Variants in PPP2R5C observed in about 807,000 individuals in gnomAD.
PPP2R5C encodes serine/threonine-protein phosphatase 2A 56 kDa regulatory subunit gamma isoform.
A neutral mutation model predicts 68.9 loss-of-function variants in PPP2R5C; 7 were observed. The ratio of observed to expected loss-of-function variants is 0.10; its 90% CI spans 0.06 to 0.19. PPP2R5C has a LOEUF of 0.19. Ranked by LOEUF, PPP2R5C falls within the 10% of genes least tolerant of loss-of-function variation. The pLI is 1.00. For synonymous variants in PPP2R5C, 210 were observed against 222.2 expected (o/e 0.95, Z 0.49); for missense variants, 348 against 641.3 (o/e 0.54, Z 4.94).
intron 8 of PPP2R5C, among the ~76,000 whole-genome samples, chr14:101,897,733 G>C (rs557955284): frequency 6.6e-6 from 1 of 151,478 alleles, no homozygotes; most frequent in South Asian, 2.1e-4. Flanking sequence ...GGCACACCCA[G>C]TGCATCCTTC....
chr14:101,761,196 CTG>C (rs1318783960), upstream of PPP2R5C, among the ~76,000 whole-genome samples: 1 of 152,206 alleles, frequency 6.6e-6, no homozygotes, highest in African/African-American at 2.4e-5. Context: ...GCACTCTTGA[CTG>C]CAACGAGAGC....
chr14:101,813,665 T>C (rs533970084), intron 1 of PPP2R5C, among the ~76,000 whole-genome samples: 1 of 152,338 alleles, frequency 6.6e-6, no homozygotes, highest in South Asian at 2.1e-4. Context: ...GCACACAGTT[T>C]GAGCCTTTTC....
intron 1 of PPP2R5C, among the ~76,000 whole-genome samples, chr14:101,831,120 G>C (rs1020693276): frequency 2.6e-5 from 4 of 151,710 alleles, no homozygotes; most frequent in African/African-American, 4.8e-5. Context: ...ACAGAGCCCA[G>C]CAGAAGGGCA....
Position 101,879,913 on chromosome 14 carries a change from A to AGT in PPP2R5C, c.295-2234_295-2233dup, listed in dbSNP as rs369632300. Among the ~76,000 whole-genome samples, 77 of 151,846 alleles carry AGT rather than the reference A, an allele frequency of 5.1e-4. No individual in the cohort carries two copies. Among genetic ancestry groups the AGT allele is most frequent in the African/African-American group, 8.9e-4 (37 of 41,480 alleles). On this transcript the variant is annotated intron_variant, in intron 2 of 13. Transcript: ENST00000334743. This position sits in a 1 kb window ranked among gnomAD's most constrained non-coding sequence, Gnocchi z 4.2. Reference sequence around the variant, plus strand: ...TGGGAGGACATGGCGGCCTGCCCAAAGTGTGTGTGTGTGTGGCCTTTCCTT... The same window carrying AGT: ...TGGGAGGACATGGCGGCCTGCCCAAAGTGTGTGTGTGTGTGTGGCCTTTCCTT...
At chr14:101,810,238 G>C in intron 1 of PPP2R5C, 1 of 579,092 alleles carries the variant, frequency 1.7e-6, no homozygotes, top group Non-Finnish European at 3.1e-6. Flanking sequence ...CTTGAAAGAG[G>C]CCTTGCATGC....
At chr14:101,865,855 G>A (rs2043030402) in intron 2 of PPP2R5C, among the ~76,000 whole-genome samples, 3 of 152,208 alleles carry the variant, frequency 2.0e-5, no homozygotes, top group African/African-American at 7.2e-5. Context: ...CTTCATATTC[G>A]TACGGGACTT....
At chr14:101,863,499 TGAG>T (rs1359377480) in intron 2 of PPP2R5C, among the ~76,000 whole-genome samples, 1 of 152,202 alleles carries the variant, frequency 6.6e-6, no homozygotes, top group Non-Finnish European at 1.5e-5. Context: ...GCAACCGTTT[TGAG>T]GAGTTTAGTA....
intron 1 of PPP2R5C, among the ~76,000 whole-genome samples, chr14:101,826,447 A>G (rs965212519): frequency 2.0e-5 from 3 of 152,168 alleles, no homozygotes; most frequent in African/African-American, 7.2e-5. Flanking sequence ...AAGTCAATGG[A>G]CCATAAAAGG....
chr14:101,865,564 C>A (rs888043719), intron 2 of PPP2R5C, among the ~76,000 whole-genome samples: 1 of 152,218 alleles, frequency 6.6e-6, no homozygotes, highest in Non-Finnish European at 1.5e-5. Context: ...GTGTGCTTCT[C>A]TGGGCAGATG....
chr14:101,925,275 TCCGGGGCGCCGCGTCGGGGCCGGGCCCG>T (rs1431642035), exon 14 of PPP2R5C: 1 of 1,611,938 alleles, frequency 6.2e-7, no homozygotes, highest in African/African-American at 1.3e-5. Context: ...GCCGCTAGCC[TCCGGGGCGCCGCGTCGGGGCCGGGCCCG>T]CCAGTTCTTT....
intron 12 of PPP2R5C, chr14:101,914,606 A>T (rs1284872298): frequency 5.9e-6 from 1 of 168,654 alleles, no homozygotes; most frequent in Non-Finnish European, 1.3e-5. Context: ...GTGTTCCCTG[A>T]TGCCCCCCGT....
Position 101,915,993 on chromosome 14 carries a change from G to A in PPP2R5C, c.1327-1838G>A, listed in dbSNP as rs1156525683. Among the ~76,000 whole-genome samples, 1 of 152,190 alleles carries A rather than the reference G, an allele frequency of 6.6e-6. No individual in the cohort carries two copies. The highest frequency in any genetic ancestry group is 2.4e-5 in the African/African-American group (1 of 41,452). On this transcript the variant is annotated intron_variant, in intron 12 of 13. Coordinates refer to ENST00000334743, the Ensembl canonical transcript of PPP2R5C. This position sits in a 1 kb window ranked among gnomAD's most constrained non-coding sequence, Gnocchi z 4.2. The stretch of plus-strand genomic sequence containing the variant: ...GGTAGAGAAAAGCAGGGACACAGTG[G>A]GTGACAGGTGTCGGTCCTGGTGGGG...
intron 1 of PPP2R5C, among the ~76,000 whole-genome samples, chr14:101,844,286 C>T (rs1263328460): frequency 2.0e-5 from 3 of 151,964 alleles, no homozygotes; most frequent in South Asian, 2.1e-4. Context: ...TGGCAGCTTG[C>T]GGGAGGGGCC....
At chr14:101,889,694 G>A in intron 5 of PPP2R5C, 1 of 290,354 alleles carries the variant, frequency 3.4e-6, no homozygotes, top group Non-Finnish European at 6.6e-6. Flanking sequence ...ACCTGAGACA[G>A]CACGGAGGAT....
chr14:101,907,499 T>G lies in PPP2R5C; in HGVS notation c.1151+970T>G, dbSNP rs182702497. Among the ~76,000 whole-genome samples, 362 of 152,292 alleles carry G rather than the reference T, an allele frequency of 2.4e-3. 2 individuals are homozygous for G. The highest frequency in any genetic ancestry group is 8.1e-3 in the African/African-American group (335 of 41,552). On this transcript the variant is annotated intron_variant, in intron 10 of 13. Transcript: ENST00000334743. ...TTTATTAATATGGTATCATCTAATA[T>G]TCCTGCTATTTAAAGAAATACGACT...
chr14:101,841,042 A>G (rs1404135055), intron 1 of PPP2R5C, among the ~76,000 whole-genome samples: 4 of 152,302 alleles, frequency 2.6e-5, no homozygotes, highest in South Asian at 2.1e-4. Flanking sequence ...AGGACATGCT[A>G]TATTTCAGGG....
chr14:101,768,825 C>CTT (rs57812551), intron 2 of PPP2R5C, among the ~76,000 whole-genome samples: 7 of 139,158 alleles, frequency 5.0e-5, no homozygotes, highest in Admixed American at 7.2e-5. Flanking sequence ...ATCCTTTCAT[C>CTT]TTTTTTTTTT....
chr14:101,867,484 A>C (rs2043148937), intron 2 of PPP2R5C, among the ~76,000 whole-genome samples: 1 of 152,158 alleles, frequency 6.6e-6, no homozygotes, highest in South Asian at 2.1e-4. Flanking sequence ...TTTCTTAAAA[A>C]TAAAAACAAG....
intron 3 of PPP2R5C, among the ~76,000 whole-genome samples, chr14:101,801,376 C>CA (rs1202748825): frequency 1.3e-5 from 2 of 152,166 alleles, no homozygotes; most frequent in African/African-American, 4.8e-5. Flanking sequence ...AACTCATACC[C>CA]ATACCACCCA....
Sources: allele counts gnomAD v4.1 joint callset (sites outside exome capture counted in the v4.1 genomes callset), GRCh38; gene constraint gnomAD v4.1.1; non-coding constraint Gnocchi (gnomAD v3.1); transcripts MANE v1.5; gene names NCBI Gene and HGNC (gene_info 2026-07-23, HGNC 2026-07-21).